LRCH1: variants seen among roughly 807,000 people sequenced by gnomAD.
LRCH1 encodes leucine rich repeats and calponin homology domain containing 1.
In LRCH1, 23 loss-of-function variants were observed where a neutral mutation model predicts 94.9. The observed-to-expected ratio is 0.24, with a 90% CI of 0.17 to 0.34. The LOEUF (loss-of-function observed/expected upper bound fraction) is 0.34. Among genes scored for constraint, LRCH1 ranks in the 10% least tolerant of loss-of-function variants. LRCH1 has a pLI of 1.00. For missense variants in LRCH1, 790 were observed against 945.9 expected, an observed-to-expected ratio of 0.84 and a Z score of 2.16; for synonymous variants, 364 against 354.9, an observed-to-expected ratio of 1.03 and a Z score of -0.29.
At chr13:46,639,235 C>A (rs1027382155) in intron 1 of LRCH1, among the ~76,000 whole-genome samples, 6 of 152,174 alleles carry the variant, frequency 3.9e-5, no homozygotes. Flanking sequence ...GAGCCTACTT[C>A]TCTGCCTTTT....
chr13:46,615,347 T>A (rs1366599052), intron 1 of LRCH1, among the ~76,000 whole-genome samples: 1 of 152,154 alleles, frequency 6.6e-6, no homozygotes, highest in African/African-American at 2.4e-5. Context: ...GGCCTTGCTC[T>A]TTTAACCAAC....
chr13:46,716,532 G>A (rs1872330971), intron 16 of LRCH1, among the ~76,000 whole-genome samples: 1 of 152,048 alleles, frequency 6.6e-6, no homozygotes, highest in African/African-American at 2.4e-5. Flanking sequence ...TGAGGTACAG[G>A]GTATAGCCAC....
At chr13:46,678,630 A>G (rs1440292196) in intron 3 of LRCH1, among the ~76,000 whole-genome samples, 1 of 152,220 alleles carries the variant, frequency 6.6e-6, no homozygotes, top group African/African-American at 2.4e-5. Flanking sequence ...ATCAGAAGGA[A>G]AAAAACTTGT....
intron 1 of LRCH1, among the ~76,000 whole-genome samples, chr13:46,576,972 A>G (rs921997785): frequency 1.3e-5 from 2 of 152,052 alleles, no homozygotes; most frequent in Admixed American, 1.3e-4. Context: ...GTCCTTTTCC[A>G]AGCTTTCGAG....
intron 1 of LRCH1, among the ~76,000 whole-genome samples, chr13:46,570,946 A>C (rs992016405): frequency 6.6e-6 from 1 of 152,378 alleles, no homozygotes; most frequent in South Asian, 2.1e-4. Flanking sequence ...CCAGTCAGGC[A>C]GCTTCACTGC....
At chr13:46,628,287 C>T (rs754565913) in intron 1 of LRCH1, among the ~76,000 whole-genome samples, 6 of 152,016 alleles carry the variant, frequency 3.9e-5, no homozygotes, top group African/African-American at 7.3e-5. Context: ...AAGAATGAAA[C>T]ACACCAAGAC....
chr13:46,559,692 A>G (rs531421257), intron 1 of LRCH1, among the ~76,000 whole-genome samples: 1 of 152,374 alleles, frequency 6.6e-6, no homozygotes, highest in East Asian at 1.9e-4. Context: ...ACCTCTGGGA[A>G]TTTTTGGTCT....
At chr13:46,682,968 C>T (rs946772568) in intron 4 of LRCH1, among the ~76,000 whole-genome samples, 2 of 152,196 alleles carry the variant, frequency 1.3e-5, no homozygotes, top group Admixed American at 1.3e-4. Flanking sequence ...CAGGAATGAA[C>T]GGATGAGTCC....
intron 3 of LRCH1, among the ~76,000 whole-genome samples, chr13:46,680,952 G>A (rs929407674): frequency 6.6e-6 from 1 of 152,154 alleles, no homozygotes; most frequent in Non-Finnish European, 1.5e-5. Context: ...GGGGTGTGTG[G>A]GGGAGTGAAG....
intron 4 of LRCH1, among the ~76,000 whole-genome samples, chr13:46,682,398 G>A (rs1870364841): frequency 6.6e-6 from 1 of 152,070 alleles, no homozygotes; most frequent in Non-Finnish European, 1.5e-5. Context: ...CCCTTTTAAA[G>A]ACCCTATTTC....
At chr13:46,711,948 A>T in intron 14 of LRCH1, 104 bp downstream of exon 14, 1 of 858,600 alleles carries the variant, frequency 1.2e-6, no homozygotes, top group East Asian at 2.6e-5. Flanking sequence ...TAATTAATTA[A>T]TTGAGTCTTT....
At chr13:46,576,915 G>C (rs2050310675) in intron 1 of LRCH1, among the ~76,000 whole-genome samples, 1 of 152,092 alleles carries the variant, frequency 6.6e-6, no homozygotes. Flanking sequence ...GTCTCACAAG[G>C]CTGTACTCAA....
chr13:46,644,366 G>A (rs2051195210), intron 1 of LRCH1, among the ~76,000 whole-genome samples: 1 of 152,154 alleles, frequency 6.6e-6, no homozygotes, highest in Non-Finnish European at 1.5e-5. Flanking sequence ...TTCTGGGTTT[G>A]CCTCATCTTA....
At chr13:46,657,401 T>TTTTTA (rs201530694) in intron 2 of LRCH1, among the ~76,000 whole-genome samples, 4 of 148,688 alleles carry the variant, frequency 2.7e-5, no homozygotes, top group East Asian at 1.9e-4. Flanking sequence ...TTTTTTTTTT[T>TTTTTA]AAAACATACA....
At chr13:46,712,436 G>A (rs1378946834) in intron 14 of LRCH1, 89 bp from the exon 15 acceptor site, 3 of 1,031,060 alleles carry the variant, frequency 2.9e-6, no homozygotes, top group African/African-American at 3.2e-5. Flanking sequence ...GAGTAGTTTT[G>A]TTACAATCCT....
intron 3 of LRCH1, among the ~76,000 whole-genome samples, chr13:46,677,447 A>G (rs187000422): frequency 6.6e-6 from 1 of 152,218 alleles, no homozygotes; most frequent in African/African-American, 2.4e-5. Flanking sequence ...AACAAAACAA[A>G]AAAAACTTCT....
At chr13:46,652,515 T>C (rs2051320680) in intron 2 of LRCH1, among the ~76,000 whole-genome samples, 1 of 152,178 alleles carries the variant, frequency 6.6e-6, no homozygotes, top group South Asian at 2.1e-4. Flanking sequence ...ATATCTAATC[T>C]TCACTTTTGC....
At chr13:46,594,229 C>T (rs1251577347) in intron 1 of LRCH1, among the ~76,000 whole-genome samples, 2 of 147,188 alleles carry the variant, frequency 1.4e-5, no homozygotes, top group Non-Finnish European at 3.0e-5. Context: ...CTGGACTCCT[C>T]TTTTAATCTC....
Position 46,743,604 on chromosome 13 carries a change from T to C in LRCH1, c.*1756T>C. 5.1e-6 allele frequency: 5 copies of C among 985,616 alleles called. No homozygotes were observed. The highest frequency in any genetic ancestry group is 6.0e-6 in the Non-Finnish European group (5 of 829,918). The allele number at this position is 985,616 out of a possible 1,614,324, so 61.1% of individuals were successfully genotyped here. Reference sequence around the variant, plus strand: ...ACACATTTTGGGTGATTATTCCAAGTTTTTATCAGCCCATTGATACATGTA... The same window carrying C: ...ACACATTTTGGGTGATTATTCCAAGCTTTTATCAGCCCATTGATACATGTA... On this transcript the variant is annotated 3_prime_UTR_variant, in exon 20 of 20. Transcript: ENST00000389797.
Sources: gnomAD v4.1 joint callset for allele counts (sites outside exome capture counted in the v4.1 genomes callset) on GRCh38, gnomAD v4.1.1 for gene constraint, MANE v1.5 for transcripts, NCBI Gene and HGNC (gene_info 2026-07-23, HGNC 2026-07-21) for gene names.